PTPRD: variants seen among roughly 807,000 people sequenced by gnomAD.
PTPRD encodes receptor-type tyrosine-protein phosphatase delta.
A neutral mutation model predicts 214.5 loss-of-function variants in PTPRD; 34 were observed. That is an observed-to-expected ratio of 0.16 (90% CI 0.12 to 0.21). The LOEUF is 0.21. Among genes scored for constraint, PTPRD ranks in the 10% least tolerant of loss-of-function variants. PTPRD has a pLI of 1.00. For missense variants in PTPRD, 2,545 were observed against 2,398.7 expected (o/e 1.06, Z -1.27); for synonymous variants, 1,128 against 845.7 (o/e 1.33, Z -5.79).
At chr9:10,184,612 T>C (rs2154311650) in intron 3 of PTPRD, among the ~76,000 whole-genome samples, 1 of 152,232 alleles carries the variant, frequency 6.6e-6, no homozygotes, top group Middle Eastern at 3.4e-3. Flanking sequence ...ATAAAGGTTT[T>C]GGTGAATAGT....
chr9:9,464,871 G>A (rs1350758068), intron 8 of PTPRD, among the ~76,000 whole-genome samples: 1 of 151,988 alleles, frequency 6.6e-6, no homozygotes, highest in Non-Finnish European at 1.5e-5. Flanking sequence ...AATTCCCTAG[G>A]CTTAACCTTA....
intron 8 of PTPRD, among the ~76,000 whole-genome samples, chr9:9,572,447 G>A (rs568419168): frequency 6.6e-6 from 1 of 151,130 alleles, no homozygotes; most frequent in African/African-American, 2.4e-5. Context: ...AATGTAATCT[G>A]TGGCAAGTAC....
At position 8,507,363 on chromosome 9, in the gene PTPRD, G is replaced by C; in HGVS notation, c.1615C>G (p.Pro539Ala). 1.9e-6 allele frequency: 3 copies of C among 1,613,990 alleles called. No homozygotes were observed. Among genetic ancestry groups the C allele is most frequent in the Non-Finnish European group, 2.5e-6 (3 of 1,179,880 alleles). ...TAGTTGGCAATGGTATCTGAACGTGGAGGTGTCCAAGAGAGCAAAATACTT... is the reference window on the plus strand; with the variant it reads ...TAGTTGGCAATGGTATCTGAACGTGCAGGTGTCCAAGAGAGCAAAATACTT... ...ETSILLSWTPPRSDTIANYEL... is the reference protein window; with the variant it reads ...ETSILLSWTPARSDTIANYEL... The change falls in exon 22 of 46, where the codon CCA becomes GCA. Residue 539 changes from proline (P) to alanine (A), a missense_variant. By Grantham distance (27) the Pro-to-Ala change is conservative. Coordinates refer to ENST00000381196, the MANE Select transcript of PTPRD (RefSeq NM_002839.4).
intron 37 of PTPRD, among the ~76,000 whole-genome samples, chr9:8,386,370 T>C (rs1226965603): frequency 2.0e-5 from 3 of 152,228 alleles, no homozygotes; most frequent in Non-Finnish European, 4.4e-5. Flanking sequence ...TGCAAATCTA[T>C]GGTCAGTGGC....
chr9:9,657,753 A>C (rs2096547491), intron 7 of PTPRD, among the ~76,000 whole-genome samples: 2 of 152,214 alleles, frequency 1.3e-5, no homozygotes, highest in Admixed American at 1.3e-4. Flanking sequence ...TAGGACCCAC[A>C]AGGCTTGCCA....
intron 7 of PTPRD, among the ~76,000 whole-genome samples, chr9:9,727,620 T>C (rs961281447): frequency 2.0e-5 from 3 of 152,172 alleles, no homozygotes; most frequent in Non-Finnish European, 4.4e-5. Flanking sequence ...TGTTAACAAA[T>C]GCATAAGTCC....
chr9:9,825,697 G>A (rs1422125062), intron 5 of PTPRD, among the ~76,000 whole-genome samples: 1 of 151,868 alleles, frequency 6.6e-6, no homozygotes, highest in East Asian at 1.9e-4. Flanking sequence ...GGTTTTCTGT[G>A]CCCTTAACAA....
chr9:10,112,600 TG>T (rs2098700563), intron 3 of PTPRD, among the ~76,000 whole-genome samples: 1 of 152,210 alleles, frequency 6.6e-6, no homozygotes, highest in Admixed American at 6.5e-5. Context: ...TGATTAACCC[TG>T]CCCAGGCCGT....
chr9:9,558,422 G>A (rs781115565), intron 8 of PTPRD, among the ~76,000 whole-genome samples: 2 of 152,126 alleles, frequency 1.3e-5, no homozygotes, highest in African/African-American at 2.4e-5. Flanking sequence ...CCCTTTGGCC[G>A]AGGGAGACAT....
chr9:8,918,942 C>T (rs2098806155), intron 11 of PTPRD, among the ~76,000 whole-genome samples: 2 of 152,036 alleles, frequency 1.3e-5, no homozygotes, highest in South Asian at 2.1e-4. Flanking sequence ...TAACAAACCT[C>T]AGAACACCTA....
intron 4 of PTPRD, among the ~76,000 whole-genome samples, chr9:9,958,611 C>G (rs556032457): frequency 6.6e-6 from 1 of 152,202 alleles, no homozygotes; most frequent in African/African-American, 2.4e-5. Context: ...GATAATCAGA[C>G]AAGAAATAGT....
intron 3 of PTPRD, among the ~76,000 whole-genome samples, chr9:10,303,839 G>T (rs372479432): frequency 7.9e-5 from 12 of 152,114 alleles, no homozygotes; most frequent in African/African-American, 2.9e-4. Context: ...GAGGTTCAAA[G>T]AGGAGCTGGT....
chr9:10,524,320 C>A lies in PTPRD; in HGVS notation c.-600+88078G>T, dbSNP rs1300197538. ...GGCAGCGCAAAATGTGGAGGCAGTT[C>A]TAAATTTAAAGTCATTGTGTTTGAT... On this transcript the variant is annotated intron_variant, in intron 2 of 45. Coordinates refer to ENST00000381196, the MANE Select transcript of PTPRD (RefSeq NM_002839.4). Among the ~76,000 whole-genome samples, 4 of 151,986 alleles carry A rather than the reference C, an allele frequency of 2.6e-5. No homozygotes were observed. The East Asian group carries it at 7.7e-4, about 29-fold the overall frequency.
intron 7 of PTPRD, among the ~76,000 whole-genome samples, chr9:9,645,920 A>G (rs1047548911): frequency 6.6e-6 from 1 of 152,202 alleles, no homozygotes; most frequent in Non-Finnish European, 1.5e-5. Context: ...TTGTGGATAC[A>G]TACTAGTTGT....
chr9:9,917,433 T>C (rs746632038), intron 5 of PTPRD, among the ~76,000 whole-genome samples: 1 of 131,978 alleles, frequency 7.6e-6, no homozygotes, highest in Admixed American at 8.4e-5. Flanking sequence ...CAATACATTT[T>C]AAAATCCAGA....
intron 2 of PTPRD, among the ~76,000 whole-genome samples, chr9:10,492,075 C>A (rs777696446): frequency 6.6e-6 from 1 of 152,040 alleles, no homozygotes; most frequent in African/African-American, 2.4e-5. Flanking sequence ...AGTATTCCAT[C>A]GTGTACATGT....
At chr9:8,515,735 C>T (rs957024312) in intron 21 of PTPRD, among the ~76,000 whole-genome samples, 1 of 152,148 alleles carries the variant, frequency 6.6e-6, no homozygotes, top group Non-Finnish European at 1.5e-5. Context: ...AAGTATATTT[C>T]CCTCACAGCC....
intron 11 of PTPRD, among the ~76,000 whole-genome samples, chr9:8,897,852 CTCTT>C (rs2154248587): frequency 6.6e-6 from 1 of 152,266 alleles, no homozygotes; most frequent in South Asian, 2.1e-4. Flanking sequence ...GGCACTCCAA[CTCTT>C]TATTTACAGA....
At chr9:8,910,879 A>C (rs1458091869) in intron 11 of PTPRD, among the ~76,000 whole-genome samples, 3 of 152,242 alleles carry the variant, frequency 2.0e-5, no homozygotes, top group African/African-American at 4.8e-5. Context: ...ACACTCAGAA[A>C]TAAATTGAAC....
Sources: allele counts gnomAD v4.1 joint callset (sites outside exome capture counted in the v4.1 genomes callset), GRCh38; gene constraint gnomAD v4.1.1; transcripts MANE v1.5; gene names NCBI Gene and HGNC (gene_info 2026-07-23, HGNC 2026-07-21).